Variants in SLC5A4 observed in about 807,000 individuals in gnomAD.
SLC5A4 encodes probable glucose sensor protein SLC5A4.
Under a neutral mutation model 70.3 loss-of-function variants are expected in SLC5A4, and 55 were observed. The observed-to-expected ratio is 0.78, with a 90% CI of 0.63 to 0.98. The LOEUF (loss-of-function observed/expected upper bound fraction) is 0.98. Ranked by LOEUF, SLC5A4 falls within the 50% of genes least tolerant of loss-of-function variation. The pLI is 0.00. For missense variants in SLC5A4, 735 were observed against 839.2 expected (o/e 0.88, Z 1.53); for synonymous variants, 268 against 305.7 (o/e 0.88, Z 1.29).
the SLC5A4 span, among the ~76,000 whole-genome samples, chr22:32,297,190 C>T: frequency 6.6e-6 from 1 of 151,532 alleles, no homozygotes; most frequent in South Asian, 2.1e-4. Flanking sequence ...GGAGGATTCC[C>T]TCTTTTTCTA....
chr22:32,323,649 CAGAGGAGGCTTGG>C, the SLC5A4 span, among the ~76,000 whole-genome samples: 8 of 152,330 alleles, frequency 5.3e-5, no homozygotes, highest in South Asian at 1.0e-3. Flanking sequence ...GGGACAAAGT[CAGAGGAGGCTTGG>C]AGAGGAGGTC....
chr22:32,325,232 C>A, the SLC5A4 span, among the ~76,000 whole-genome samples: 4 of 152,266 alleles, frequency 2.6e-5, no homozygotes, highest in Non-Finnish European at 5.9e-5. Flanking sequence ...GGGCTCAGAA[C>A]TGAGTCAGGT....
the SLC5A4 span, chr22:32,273,176 A>G: frequency 3.0e-5 from 12 of 397,190 alleles, no homozygotes; most frequent in East Asian, 3.2e-4. Flanking sequence ...AACAAAACAC[A>G]AGGAATATAT....
At chr22:32,330,906 TGTGTGTGTG>T in the SLC5A4 span, among the ~76,000 whole-genome samples, 1 of 69,488 alleles carries the variant, frequency 1.4e-5, no homozygotes, top group Non-Finnish European at 3.4e-5. Flanking sequence ...CTCTCCTGTG[TGTGTGTGTG>T]TTGGAGGCCT....
the SLC5A4 span, among the ~76,000 whole-genome samples, chr22:32,314,102 CCAA>C: frequency 6.6e-6 from 1 of 152,240 alleles, no homozygotes; most frequent in East Asian, 1.9e-4. Context: ...GAGAGATACG[CCAA>C]GAAGGAGAAC....
chr22:32,260,119 G>C (rs1927689204), upstream of SLC5A4, among the ~76,000 whole-genome samples: 1 of 152,192 alleles, frequency 6.6e-6, no homozygotes, highest in Admixed American at 6.5e-5. Context: ...ATGAGGGTGG[G>C]AGAGGGGTCC....
chr22:32,291,379 G>A, the SLC5A4 span, among the ~76,000 whole-genome samples: 18,287 of 151,820 alleles, frequency 0.12, 1,494 homozygotes, highest in Non-Finnish European at 0.18. Context: ...GGGTTTCACC[G>A]TATTGGTCAG....
the SLC5A4 span, among the ~76,000 whole-genome samples, chr22:32,310,157 T>C: frequency 6.6e-6 from 1 of 152,000 alleles, no homozygotes. Context: ...TCCAGCTCTG[T>C]CTGTTTGGCA....
chr22:32,333,206 C>CCCG, the SLC5A4 span, among the ~76,000 whole-genome samples: 13 of 150,386 alleles, frequency 8.6e-5, no homozygotes, highest in African/African-American at 2.7e-4. Flanking sequence ...ACCCCCCCCC[C>CCCG]AGAAGACTCA....
chr22:32,345,373 TA>T, the SLC5A4 span, among the ~76,000 whole-genome samples: 28 of 152,290 alleles, frequency 1.8e-4, no homozygotes, highest in Admixed American at 7.8e-4. Context: ...AAGTGAATGT[TA>T]GTCAGTGAAT....
the SLC5A4 span, among the ~76,000 whole-genome samples, chr22:32,346,313 T>C: frequency 2.0e-5 from 3 of 152,216 alleles, no homozygotes; most frequent in Non-Finnish European, 4.4e-5. Context: ...AAGATATTAT[T>C]GTCGCTACCA....
chr22:32,324,262 T>TGTGTATAC, the SLC5A4 span, among the ~76,000 whole-genome samples: 20,088 of 123,816 alleles, frequency 0.16, 1,552 homozygotes, highest in Non-Finnish European at 0.19. Flanking sequence ...TATACACACA[T>TGTGTATAC]ATATGTATAT....
At chr22:32,293,049 CATCTTT>C in the SLC5A4 span, among the ~76,000 whole-genome samples, 2 of 152,102 alleles carry the variant, frequency 1.3e-5, no homozygotes, top group African/African-American at 2.4e-5. Flanking sequence ...TAATACTTCT[CATCTTT>C]AAGTATACTT....
chr22:32,307,891 G>A, the SLC5A4 span, among the ~76,000 whole-genome samples: 9 of 152,260 alleles, frequency 5.9e-5, no homozygotes, highest in South Asian at 1.9e-3. Context: ...CCCACCACGT[G>A]AGCAGGATGA....
the SLC5A4 span, among the ~76,000 whole-genome samples, chr22:32,293,902 T>A: frequency 1.3e-5 from 2 of 152,200 alleles, no homozygotes; most frequent in Non-Finnish European, 2.9e-5. Flanking sequence ...CAAACATATA[T>A]ACTGTTTGAT....
intron 2 of SLC5A4, among the ~76,000 whole-genome samples, chr22:32,253,061 GT>G (rs968430220): frequency 6.6e-5 from 10 of 152,210 alleles, no homozygotes; most frequent in African/African-American, 2.4e-4. Flanking sequence ...AAAATGCAAT[GT>G]CTGATTGGAT....
chr22:32,309,815 T>TG, the SLC5A4 span, among the ~76,000 whole-genome samples: 1 of 151,762 alleles, frequency 6.6e-6, no homozygotes, highest in African/African-American at 2.4e-5. Context: ...AAGTGGCTTG[T>TG]GGGGGTGACC....
chr22:32,317,846 G>C, the SLC5A4 span, among the ~76,000 whole-genome samples: 4 of 152,164 alleles, frequency 2.6e-5, no homozygotes, highest in African/African-American at 9.7e-5. Context: ...ATACATAGAA[G>C]GTGGAGGTGA....
the SLC5A4 span, among the ~76,000 whole-genome samples, chr22:32,312,362 C>T: frequency 9.2e-5 from 10 of 108,394 alleles, no homozygotes; most frequent in South Asian, 3.4e-4. Flanking sequence ...CACACGCGCG[C>T]GCGCACACAC....
Sources: allele counts gnomAD v4.1 joint callset (sites outside exome capture counted in the v4.1 genomes callset), GRCh38; gene constraint gnomAD v4.1.1; transcripts MANE v1.5; gene names NCBI Gene and HGNC (gene_info 2026-07-23, HGNC 2026-07-21).